Variants in CCNJL observed in about 807,000 individuals in gnomAD.
CCNJL encodes cyclin-J-like protein.
In CCNJL, 33 loss-of-function variants were observed where a neutral mutation model predicts 33.4. The ratio of observed to expected loss-of-function variants is 0.99; its 90% CI spans 0.75 to 1.32. The LOEUF (loss-of-function observed/expected upper bound fraction) is 1.32. Among genes scored for constraint, CCNJL ranks in the 40% most tolerant of loss-of-function variants. The pLI, the probability that CCNJL is intolerant of heterozygous loss-of-function variation, is 0.00. For synonymous variants in CCNJL, 227 were observed against 220.9 expected, an observed-to-expected ratio of 1.03 and a Z score of -0.24; for missense variants, 512 against 499.7, an observed-to-expected ratio of 1.02 and a Z score of -0.23.
intron 3 of CCNJL, among the ~76,000 whole-genome samples, chr5:160,272,196 GT>G (rs1193598819): frequency 6.6e-6 from 1 of 152,224 alleles, no homozygotes; most frequent in Non-Finnish European, 1.5e-5. Flanking sequence ...GAAATCTCCA[GT>G]GGGGAGACCC....
In CCNJL at chr5:160,252,729, T is replaced by C. The variant is rs1429224952; in HGVS notation, c.*649A>G. ...ATCACCAAATCCCTGATACAGTGTG[T>C]AAACAAGACATCTTACGAAACAGAA... On this transcript the variant is annotated 3_prime_UTR_variant, in exon 6 of 6. Transcript: ENST00000257536. 2 of 152,664 alleles carry C rather than the reference T, an allele frequency of 1.3e-5. No homozygotes were observed. The highest frequency in any genetic ancestry group is 2.9e-5 in the Non-Finnish European group (2 of 68,052). 9.5% of individuals were successfully genotyped at this position (152,664 alleles called of 1,614,324 possible).
chr5:160,282,570 G>A (rs116812099), intron 2 of CCNJL, among the ~76,000 whole-genome samples: 3 of 152,012 alleles, frequency 2.0e-5, no homozygotes, highest in Admixed American at 6.6e-5. Flanking sequence ...ATAAAAGACT[G>A]TATCCAGAAC....
intron 4 of CCNJL, among the ~76,000 whole-genome samples, chr5:160,257,827 T>C (rs1358939186): frequency 6.6e-6 from 1 of 151,990 alleles, no homozygotes; most frequent in South Asian, 2.1e-4. Flanking sequence ...GCTCAGTTAA[T>C]GCTTGGGATC....
At position 160,253,783 on chromosome 5, in the gene CCNJL, G is replaced by A. The variant is rs1163454633; in HGVS notation, c.759C>T (p.Val253=). The part of the protein sequence containing the change: ...IEILLVVYDN[V]LKDAVAVKSQ... ...TCTTGACGGCTACGGCATCCTTGAGGACGTTGTCATACACTCTGAAACGAG... is the reference window on the plus strand; with the variant it reads ...TCTTGACGGCTACGGCATCCTTGAGAACGTTGTCATACACTCTGAAACGAG... Residue 253 remains valine, a synonymous_variant, in exon 6 of 6, where the codon GTC becomes GTT. Coordinates refer to ENST00000257536, the MANE Select transcript of CCNJL (RefSeq NM_001308173.3). The A allele has an allele frequency of 2.0e-6, 3 of 1,518,616 alleles. No individual in the cohort carries two copies. Among genetic ancestry groups the A allele is most frequent in the Non-Finnish European group, 2.6e-6 (3 of 1,137,620 alleles). 94.1% of individuals were successfully genotyped at this position (1,518,616 alleles called of 1,614,324 possible).
At chr5:160,261,437 CCAGT>C (rs1237210812) in intron 3 of CCNJL, 1 of 152,326 alleles carries the variant, frequency 6.6e-6, no homozygotes, top group Non-Finnish European at 1.5e-5. Context: ...TTTCCGGAGC[CCAGT>C]CACTCAGCCT....
chr5:160,303,644 T>C (rs1233679008), intron 2 of CCNJL, among the ~76,000 whole-genome samples: 1 of 152,142 alleles, frequency 6.6e-6, no homozygotes, highest in Non-Finnish European at 1.5e-5. Context: ...GAATTTTACT[T>C]TCTTCTGTTT....
At chr5:160,282,998 T>TATATATATATATATATAA (rs1762283936) in intron 2 of CCNJL, among the ~76,000 whole-genome samples, 1 of 58,038 alleles carries the variant, frequency 1.7e-5, no homozygotes, top group Non-Finnish European at 3.1e-5. Context: ...TATATATATA[T>TATATATATATATATATAA]ATATATATAT....
At chr5:160,330,640 C>G (rs1192775819) in intron 1 of CCNJL, among the ~76,000 whole-genome samples, 2 of 151,458 alleles carry the variant, frequency 1.3e-5, no homozygotes, top group Non-Finnish European at 2.9e-5. Flanking sequence ...CATGATCACT[C>G]TCTCTAACAC....
rs1445314564 is a variant in CCNJL, at chr5:160,291,054, A to AG, written c.67-10317_67-10316insC. On this transcript the variant is annotated intron_variant, in intron 2 of 5. Coordinates refer to ENST00000257536, the MANE Select transcript of CCNJL (RefSeq NM_001308173.3). ...CTTTACTTAAAAAAAAAAAAAAAAAAAAAAAAAGAAAGAAAGAGAGAGAGA... is the reference window on the plus strand; with the variant it reads ...CTTTACTTAAAAAAAAAAAAAAAAAAGAAAAAAAGAAAGAAAGAGAGAGAGA... Among the ~76,000 whole-genome samples, 214 of 149,636 alleles carry AG rather than the reference A, an allele frequency of 1.4e-3. 2 individuals carry two copies. The highest frequency in any genetic ancestry group is 5.0e-3 in the African/African-American group (203 of 40,254).
intron 3 of CCNJL, among the ~76,000 whole-genome samples, chr5:160,270,148 CA>C (rs1192230824): frequency 2.2e-3 from 310 of 140,208 alleles, no homozygotes; most frequent in Non-Finnish European, 2.3e-3. Context: ...TTGTCTCTAC[CA>C]AAAAAAAAAA....
chr5:160,299,873 T>C (rs1248096322), intron 2 of CCNJL, among the ~76,000 whole-genome samples: 4 of 151,960 alleles, frequency 2.6e-5, no homozygotes, highest in South Asian at 4.2e-4. Flanking sequence ...GAAAAGTCCA[T>C]TGCACACCAA....
chr5:160,326,957 G>T (rs1025012284), intron 1 of CCNJL: 1 of 603,714 alleles, frequency 1.7e-6, no homozygotes, highest in Admixed American at 1.9e-5. Flanking sequence ...ACTCTGCTAC[G>T]AAGTTTCTCC....
At chr5:160,282,149 C>T (rs2113357910) in intron 2 of CCNJL, among the ~76,000 whole-genome samples, 1 of 152,284 alleles carries the variant, frequency 6.6e-6, no homozygotes, top group Middle Eastern at 3.4e-3. Context: ...CTCTCTTAAC[C>T]CTGGGGCTTA....
chr5:160,278,764 T>C (rs186924786), intron 3 of CCNJL, among the ~76,000 whole-genome samples: 43 of 152,344 alleles, frequency 2.8e-4, no homozygotes, highest in African/African-American at 1.0e-3. Context: ...CGGGCCGCGA[T>C]GCAGCCCACA....
intron 1 of CCNJL, among the ~76,000 whole-genome samples, chr5:160,321,166 T>C (rs541919991): frequency 1.3e-5 from 2 of 151,662 alleles, no homozygotes; most frequent in East Asian, 1.9e-4. Flanking sequence ...TTGGAAACCC[T>C]GGCGTAGGTG....
At chr5:160,277,563 A>G (rs1762057091) in intron 3 of CCNJL, among the ~76,000 whole-genome samples, 1 of 152,198 alleles carries the variant, frequency 6.6e-6, no homozygotes, top group African/African-American at 2.4e-5. Flanking sequence ...GACGCAAACA[A>G]TGAACTCTGA....
At chr5:160,313,530 TAAAG>T, upstream of CCNJL, among the ~76,000 whole-genome samples, 1 of 152,158 alleles carries the variant, frequency 6.6e-6, no homozygotes, top group East Asian at 1.9e-4. Context: ...TTCCTGCACA[TAAAG>T]ACACACCTGG....
At chr5:160,273,600 C>T (rs139180738) in intron 3 of CCNJL, among the ~76,000 whole-genome samples, 9 of 150,372 alleles carry the variant, frequency 6.0e-5, no homozygotes, top group Admixed American at 4.6e-4. Flanking sequence ...ATGGGACACA[C>T]AGCTCTGTGC....
At chr5:160,256,917 C>CA (rs879689556) in intron 4 of CCNJL, among the ~76,000 whole-genome samples, 122 of 138,842 alleles carry the variant, frequency 8.8e-4, no homozygotes, top group South Asian at 2.7e-3. Context: ...GACTTCATCT[C>CA]AAAAAAAAAA....
Sources: allele counts gnomAD v4.1 joint callset (sites outside exome capture counted in the v4.1 genomes callset), GRCh38; gene constraint gnomAD v4.1.1; transcripts MANE v1.5; gene names NCBI Gene and HGNC (gene_info 2026-07-23, HGNC 2026-07-21).